The following RAP1GAP variants were observed in gnomAD, a reference collection of about 807,000 sequenced individuals.
RAP1GAP encodes RAP1 GTPase activating protein.
RAP1GAP carries 35 observed loss-of-function variants against 87.2 expected under a neutral mutation model. That is an observed-to-expected ratio of 0.40 (90% CI 0.31 to 0.53). RAP1GAP has a LOEUF of 0.53. RAP1GAP is among the 20% of genes least tolerant of loss of function. RAP1GAP has a pLI of 0.48. For synonymous variants in RAP1GAP, 375 were observed against 363.9 expected, an observed-to-expected ratio of 1.03 and a Z score of -0.35; for missense variants, 734 against 898.9, an observed-to-expected ratio of 0.82 and a Z score of 2.35.
intron 7 of RAP1GAP, 75 bp downstream of exon 7, chr1:21,617,231 C>T (rs1189442832): frequency 6.7e-7 from 1 of 1,494,866 alleles, no homozygotes; most frequent in Non-Finnish European, 9.0e-7. Context: ...GTTCTGCTCC[C>T]TCCCAGGCCC....
At chr1:21,659,767 T>G (rs2152303709) in intron 1 of RAP1GAP, among the ~76,000 whole-genome samples, 1 of 152,278 alleles carries the variant, frequency 6.6e-6, no homozygotes, top group South Asian at 2.1e-4. Context: ...GCGCTGCAGC[T>G]CAGTGGCACA....
At chr1:21,599,650 C>T in intron 20 of RAP1GAP, 33 bp from the exon 21 acceptor site, 1 of 1,585,540 alleles carries the variant, frequency 6.3e-7, no homozygotes, top group Non-Finnish European at 8.5e-7. Flanking sequence ...AGCCGGTGTC[C>T]ACCCCGAGCC....
chr1:21,637,145 CTTTTTTTTT>C lies in RAP1GAP; in HGVS notation c.-112-10757_-112-10749del, dbSNP rs869047762. Among the ~76,000 whole-genome samples the C allele has an allele frequency of 3.1e-4, 40 of 128,516 alleles. 1 individual carries two copies. Among genetic ancestry groups the C allele is most frequent in the African/African-American group, 9.9e-4 (35 of 35,472 alleles). The allele number at this position is 128,516 out of a possible 152,430, so 84.3% of individuals were successfully genotyped here. On this transcript the variant is annotated intron_variant, in intron 2 of 24. Coordinates refer to ENST00000374765, the MANE Select transcript of RAP1GAP (RefSeq NM_002885.4). Reference sequence around the variant, plus strand: ...TCCCACATTTGAAATTCTTTTTTTTCTTTTTTTTTTTTTTTTTTGGTGGTGGTTGGGGGC... The same window carrying C: ...TCCCACATTTGAAATTCTTTTTTTTCTTTTTTTTTGGTGGTGGTTGGGGGC...
Position 21,597,717 on chromosome 1 carries a change from C to G in RAP1GAP, c.*3G>C. On this transcript the variant is annotated 3_prime_UTR_variant, in exon 24 of 25. Coordinates refer to ENST00000374765, the MANE Select transcript of RAP1GAP (RefSeq NM_002885.4). ...AGTTTCACCTTCAGAGGGGGTGGCC[C>G]GGCTAACAGCCCTGCAGACAGACAG... The G allele has an allele frequency of 6.2e-7, 1 of 1,613,462 alleles. No homozygotes were observed. Among genetic ancestry groups the G allele is most frequent in the Non-Finnish European group, 8.5e-7 (1 of 1,179,586 alleles).
intron 2 of RAP1GAP, among the ~76,000 whole-genome samples, chr1:21,644,924 A>AAAAGAAAG (rs71671787): frequency 0.041 from 6,057 of 147,218 alleles, 162 homozygotes; most frequent in African/African-American, 0.055. Context: ...AAAAAAAGAG[A>AAAAGAAAG]AAAGAAAGAA....
At chr1:21,637,544 G>T (rs1341910461) in intron 2 of RAP1GAP, among the ~76,000 whole-genome samples, 1 of 151,936 alleles carries the variant, frequency 6.6e-6, no homozygotes, top group Non-Finnish European at 1.5e-5. Flanking sequence ...ATATTCTTTG[G>T]TCCAGCAACC....
intron 1 of RAP1GAP, among the ~76,000 whole-genome samples, chr1:21,658,099 T>A (rs2096936336): frequency 6.6e-6 from 1 of 152,186 alleles, no homozygotes; most frequent in Non-Finnish European, 1.5e-5. Context: ...TCAGATATCC[T>A]CCTAGATATT....
Position 21,634,846 on chromosome 1 carries a change from A to T in RAP1GAP, c.-112-8449T>A, listed in dbSNP as rs10799706. 331,235 of 332,250 alleles carry T rather than the reference A, an allele frequency of 1. 165,117 individuals carry two copies. Among genetic ancestry groups the T allele is most frequent in the East Asian group, 1 (10,072 of 10,072 alleles). 20.6% of individuals were successfully genotyped at this position (332,250 alleles called of 1,614,324 possible). On this transcript the variant is annotated intron_variant, in intron 2 of 24. Coordinates refer to ENST00000374765, the MANE Select transcript of RAP1GAP (RefSeq NM_002885.4). This position sits in a 1 kb window ranked among gnomAD's most constrained non-coding sequence, Gnocchi z 4.1. ...AAACCTGACCCTTCCCACCCCACCG[A>T]GGACTTCAGTGTGGACTGACTCCTC...
Position 21,603,678 on chromosome 1 carries a change from G to A in RAP1GAP, c.1429-765C>T, listed in dbSNP as rs2071228328. The A allele has an allele frequency of 3.6e-6, 3 of 822,236 alleles. No homozygotes were observed. Among genetic ancestry groups the A allele is most frequent in the Non-Finnish European group, 6.4e-6 (3 of 471,412 alleles). 50.9% of individuals were successfully genotyped at this position (822,236 alleles called of 1,614,324 possible). On this transcript the variant is annotated intron_variant, in intron 18 of 24. Transcript: ENST00000374765. This position sits in a 1 kb window ranked among gnomAD's most constrained non-coding sequence, Gnocchi z 6.0. ...GGTACCAGGCCCCAAAGCAGGTGCT[G>A]AGTGCCATCGGAGCTGCCGCCACTC...
rs182098765 is a variant in RAP1GAP at position 21,666,023 on chromosome 1, G to A, written c.-149+3231C>T. On this transcript the variant is annotated intron_variant, in intron 1 of 24. Transcript: ENST00000374765. ...CCCAGAGAGGGAAAATGACTTGTCC[G>A]GGCCACACAGCCAGCAAGAGGCAGG... Among the ~76,000 whole-genome samples, 542 of 152,352 alleles carry A rather than the reference G, an allele frequency of 3.6e-3. 2 individuals carry two copies. Among genetic ancestry groups the A allele is most frequent in the Non-Finnish European group, 5.8e-3 (393 of 68,042 alleles).
intron 2 of RAP1GAP, among the ~76,000 whole-genome samples, chr1:21,641,288 G>A (rs1479988031): frequency 6.6e-6 from 1 of 152,084 alleles, no homozygotes; most frequent in African/African-American, 2.4e-5. Flanking sequence ...ACCTCCACCT[G>A]TTGCCAGGAG....
At chr1:21,638,864 A>T (rs2151212498) in intron 2 of RAP1GAP, among the ~76,000 whole-genome samples, 1 of 152,304 alleles carries the variant, frequency 6.6e-6, no homozygotes, top group South Asian at 2.1e-4. Flanking sequence ...AGAAGCTGAC[A>T]CGAAAAGAGA....
chr1:21,651,770 A>G lies in RAP1GAP; in HGVS notation c.-148-1974T>C, dbSNP rs1382194615. 2.1e-6 allele frequency: 3 copies of G among 1,398,900 alleles called. 1 individual carries two copies. The highest frequency in any genetic ancestry group is 5.8e-5 in the East Asian group (2 of 34,258). 86.7% of individuals were successfully genotyped at this position (1,398,900 alleles called of 1,614,324 possible). ...CACGCGCCCCGCCCCGCGCCGCGCC[A>G]CGCCCTACCCGCCGTAGGCCCCGAA... On this transcript the variant is annotated intron_variant, in intron 1 of 24. Coordinates refer to ENST00000374765, the MANE Select transcript of RAP1GAP (RefSeq NM_002885.4).
intron 1 of RAP1GAP, among the ~76,000 whole-genome samples, chr1:21,657,096 C>T (rs2096896730): frequency 6.6e-6 from 1 of 152,258 alleles, no homozygotes; most frequent in African/African-American, 2.4e-5. Flanking sequence ...GTCACACATG[C>T]ACTTGGCCTA....
At chr1:21,642,523 C>T (rs943701050) in intron 2 of RAP1GAP, among the ~76,000 whole-genome samples, 2 of 152,166 alleles carry the variant, frequency 1.3e-5, no homozygotes, top group Non-Finnish European at 2.9e-5. Flanking sequence ...GACTCTGGCT[C>T]CAGGGCTTCC....
intron 1 of RAP1GAP, chr1:21,651,672 C>T (rs754909001): frequency 8.5e-5 from 98 of 1,158,434 alleles, no homozygotes; most frequent in Non-Finnish European, 2.1e-5. Flanking sequence ...GCAGTCATAG[C>T]CCAGGCCCAC....
At chr1:21,666,113 G>A (rs1232240889) in intron 1 of RAP1GAP, among the ~76,000 whole-genome samples, 2 of 152,146 alleles carry the variant, frequency 1.3e-5, no homozygotes, top group Non-Finnish European at 2.9e-5. Flanking sequence ...GAGCATGGTG[G>A]AGCTGGGAGC....
intron 2 of RAP1GAP, among the ~76,000 whole-genome samples, chr1:21,641,394 T>C (rs907087653): frequency 2.6e-5 from 4 of 152,122 alleles, no homozygotes; most frequent in African/African-American, 9.7e-5. Context: ...GGACTACTCT[T>C]CCCACAGCCA....
intron 1 of RAP1GAP, chr1:21,667,770 C>A (rs978734863): frequency 6.6e-6 from 1 of 152,276 alleles, no homozygotes; most frequent in Non-Finnish European, 1.5e-5. Flanking sequence ...CCTCTCCGAG[C>A]CTCAGTTTCC....
Sources: gnomAD v4.1 joint callset for allele counts (sites outside exome capture counted in the v4.1 genomes callset) on GRCh38, gnomAD v4.1.1 for gene constraint, Gnocchi (gnomAD v3.1) non-coding constraint, MANE v1.5 for transcripts, NCBI Gene and HGNC (gene_info 2026-07-23, HGNC 2026-07-21) for gene names.